ZNF362: variants seen among roughly 807,000 people sequenced by gnomAD.
The protein encoded by ZNF362 is zinc finger protein 362.
ZNF362 carries 11 observed loss-of-function variants against 42.9 expected under a neutral mutation model. That is an observed-to-expected ratio of 0.26 (90% CI 0.16 to 0.42). The LOEUF (loss-of-function observed/expected upper bound fraction) is 0.42, where lower values mean the gene tolerates loss of function less well. ZNF362 is among the 20% of genes least tolerant of loss of function. The probability of loss-of-function intolerance (pLI) is 1.00; values close to 1 mark genes in which losing one functional copy is unlikely to be tolerated. For missense variants in ZNF362, 362 were observed against 576.2 expected (o/e 0.63, Z 3.81); for synonymous variants, 255 against 257.3 (o/e 0.99, Z 0.09).
chr1:33,260,060 C>T lies in ZNF362; in HGVS notation c.-89+3406C>T, dbSNP rs960798878. Among the ~76,000 whole-genome samples, 7 of 152,256 alleles carry T rather than the reference C, an allele frequency of 4.6e-5. No individual in the cohort carries two copies. The East Asian group carries it at 7.7e-4, about 17-fold the overall frequency. ...CCAGGCATGTGGTGGGAGCTCAGTACGTACCCACTGAGTTATAAGGATTGC... is the reference window on the plus strand; with the variant it reads ...CCAGGCATGTGGTGGGAGCTCAGTATGTACCCACTGAGTTATAAGGATTGC... On this transcript the variant is annotated intron_variant, in intron 1 of 8. Coordinates refer to ENST00000539719, the MANE Select transcript of ZNF362 (RefSeq NM_152493.3).
At chr1:33,255,618 G>C (rs1327047286), upstream of ZNF362, among the ~76,000 whole-genome samples, 1 of 152,172 alleles carries the variant, frequency 6.6e-6, no homozygotes, top group Non-Finnish European at 1.5e-5. Context: ...CTGAGGTCTG[G>C]AGCCGGGGGA....
intron 1 of ZNF362, among the ~76,000 whole-genome samples, chr1:33,265,987 T>C (rs1645862574): frequency 6.6e-6 from 1 of 152,158 alleles, no homozygotes; most frequent in Non-Finnish European, 1.5e-5. Context: ...TGCCATACTC[T>C]CCTTTGGCAT....
chr1:33,158,838 T>G, the ZNF362 span, among the ~76,000 whole-genome samples: 1 of 150,806 alleles, frequency 6.6e-6, no homozygotes, highest in Non-Finnish European at 1.5e-5. Context: ...AGTTTTTTTC[T>G]TTTTTTTCTT....
In ZNF362 at chr1:33,276,520, C is replaced by T. The variant is rs1208520490; in HGVS notation, c.275C>T (p.Pro92Leu). The T allele has an allele frequency of 7.1e-6, 11 of 1,551,678 alleles. No individual in the cohort carries two copies. Among genetic ancestry groups the T allele is most frequent in the African/African-American group, 1.4e-5 (1 of 73,300 alleles). ...VMSLPKLQQV[P>L]GLHPQAVPQP... Reference sequence around the variant, plus strand: ...TCGCTGCCCAAGCTGCAGCAGGTGCCGGGGCTGCATCCACAGGCGGTGCCG... The same window carrying T: ...TCGCTGCCCAAGCTGCAGCAGGTGCTGGGGCTGCATCCACAGGCGGTGCCG... Residue 92 changes from proline to leucine, a missense_variant, in exon 4 of 9, where the codon CCG (proline) becomes CTG (leucine). Around this residue, in one of 3 missense-constraint regions of ZNF362, gnomAD observed 266 missense variants for 365.4 expected, o/e 0.73. Coordinates refer to ENST00000539719, the MANE Select transcript of ZNF362 (RefSeq NM_152493.3).
rs1208768659 is a variant in ZNF362 at position 33,280,926 on chromosome 1, G to A, written c.683+469G>A. On this transcript the variant is annotated intron_variant, in intron 5 of 8. Coordinates refer to ENST00000539719, the MANE Select transcript of ZNF362 (RefSeq NM_152493.3). The surrounding 1 kb of genome is among the most constrained non-coding windows in gnomAD (Gnocchi z 5.6). ...TCTACAAAAAATACAAAAGTTAGCC[G>A]GGCATGGTGGTGCGCCCCTGTAATC... is the stretch of plus-strand genomic sequence containing the variant. 6.6e-6 allele frequency among the ~76,000 whole-genome samples: 1 copy of A among 152,090 alleles called. No homozygotes were observed. The highest frequency in any genetic ancestry group is 2.4e-5 in the African/African-American group (1 of 41,392).
chr1:33,272,209 A>G (rs1173846565), intron 2 of ZNF362, among the ~76,000 whole-genome samples: 1 of 152,214 alleles, frequency 6.6e-6, no homozygotes, highest in Non-Finnish European at 1.5e-5. Context: ...AAGGTGGGCC[A>G]TAAGCTTTGA....
At chr1:33,179,204 G>T in the ZNF362 span, among the ~76,000 whole-genome samples, 3 of 152,252 alleles carry the variant, frequency 2.0e-5, no homozygotes, top group Non-Finnish European at 4.4e-5. Flanking sequence ...CTAAAACGAT[G>T]GCTCTGGGGG....
the ZNF362 span, among the ~76,000 whole-genome samples, chr1:33,144,390 G>T: frequency 4.7e-4 from 71 of 152,262 alleles, no homozygotes; most frequent in Admixed American, 7.8e-4. Flanking sequence ...CGCCTGCCTT[G>T]GCCTCCCAAA....
At chr1:33,265,063 C>A (rs1444362916) in intron 1 of ZNF362, among the ~76,000 whole-genome samples, 1 of 151,698 alleles carries the variant, frequency 6.6e-6, no homozygotes, top group Non-Finnish European at 1.5e-5. Flanking sequence ...ATGGAGGAAG[C>A]AACTATTATT....
chr1:33,265,696 C>T (rs185616524), intron 1 of ZNF362, among the ~76,000 whole-genome samples: 37 of 152,144 alleles, frequency 2.4e-4, no homozygotes, highest in African/African-American at 8.4e-4. Flanking sequence ...CCTCAGTTTC[C>T]CTCTCCTAGA....
chr1:33,249,052 G>T, the ZNF362 span, among the ~76,000 whole-genome samples: 1 of 152,226 alleles, frequency 6.6e-6, no homozygotes, highest in East Asian at 1.9e-4. Context: ...TTAGAAATCA[G>T]AATGAATAAT....
At position 33,295,152 on chromosome 1, in the gene ZNF362, C is replaced by T. The variant is rs769317191; in HGVS notation, c.993C>T (p.His331=). ...AFTQLSNLQS[H]QRQHNKDKPY... is the part of the protein sequence containing the mutation. ...CCCCTGCTGTGCCCCTACAGTCTCACCAGCGCCAGCACAACAAGGACAAGC... is the reference window on the plus strand; with the variant it reads ...CCCCTGCTGTGCCCCTACAGTCTCATCAGCGCCAGCACAACAAGGACAAGC... Residue 331 remains histidine, a synonymous_variant, in exon 8 of 9, where the codon CAC becomes CAT. Coordinates refer to ENST00000539719, the MANE Select transcript of ZNF362 (RefSeq NM_152493.3). 6.2e-7 allele frequency: 1 copy of T among 1,614,080 alleles called. No homozygotes were observed. Among genetic ancestry groups the T allele is most frequent in the South Asian group, 1.1e-5 (1 of 91,082 alleles).
the ZNF362 span, among the ~76,000 whole-genome samples, chr1:33,250,578 G>C: frequency 6.6e-6 from 1 of 152,012 alleles, no homozygotes; most frequent in Non-Finnish European, 1.5e-5. Flanking sequence ...CACATACTGG[G>C]GCCTATTTGG....
the ZNF362 span, among the ~76,000 whole-genome samples, chr1:33,243,450 T>C: frequency 6.6e-6 from 1 of 151,456 alleles, no homozygotes; most frequent in South Asian, 2.1e-4. Flanking sequence ...CCTCCCAAAG[T>C]GCTGGAATTA....
At chr1:33,289,418 G>T (rs1646059441) in intron 6 of ZNF362, among the ~76,000 whole-genome samples, 1 of 152,120 alleles carries the variant, frequency 6.6e-6, no homozygotes, top group Admixed American at 6.5e-5. Context: ...GAGCCCTGCA[G>T]CTTCAGCCGT....
At chr1:33,191,960 G>C in the ZNF362 span, among the ~76,000 whole-genome samples, 1 of 152,242 alleles carries the variant, frequency 6.6e-6, no homozygotes, top group South Asian at 2.1e-4. Context: ...CCTCTGCATA[G>C]TTTCCAGGCA....
In ZNF362 at chr1:33,266,155, G is replaced by A. The variant is rs377651406; in HGVS notation, c.-88-4332G>A. Among the ~76,000 whole-genome samples, 11 of 152,170 alleles carry A rather than the reference G, an allele frequency of 7.2e-5. No homozygotes were observed. Among genetic ancestry groups the A allele is most frequent in the African/African-American group, 2.4e-4 (10 of 41,426 alleles). On this transcript the variant is annotated intron_variant, in intron 1 of 8. Transcript: ENST00000539719. This position sits in a 1 kb window ranked among gnomAD's most constrained non-coding sequence, Gnocchi z 4.3. The stretch of plus-strand genomic sequence containing the variant: ...GCAGTAGCTGTTGCCCCTCTCTGGG[G>A]GCAGGGATTATGTTTGAGAAACCTT...
At chr1:33,246,402 G>A in the ZNF362 span, among the ~76,000 whole-genome samples, 3 of 152,152 alleles carry the variant, frequency 2.0e-5, no homozygotes, top group Non-Finnish European at 4.4e-5. Context: ...TATGTGACCC[G>A]CTGGTCCCCA....
the ZNF362 span, among the ~76,000 whole-genome samples, chr1:33,149,443 T>C: frequency 6.7e-6 from 1 of 148,650 alleles, no homozygotes; most frequent in Non-Finnish European, 1.5e-5. Context: ...CATGAGCCAC[T>C]GTGCTGGATT....
Sources: allele counts gnomAD v4.1 joint callset (sites outside exome capture counted in the v4.1 genomes callset), GRCh38; gene constraint gnomAD v4.1.1; regional missense constraint gnomAD v4.1.1; non-coding constraint Gnocchi (gnomAD v3.1); transcripts MANE v1.5; gene names NCBI Gene and HGNC (gene_info 2026-07-23, HGNC 2026-07-21).